The following PIGR variants were observed in gnomAD, a reference collection of about 807,000 sequenced individuals.
PIGR encodes hepatocellular carcinoma associated protein TB6.
PIGR carries 22 observed loss-of-function variants against 69.5 expected under a neutral mutation model. The observed-to-expected ratio is 0.32, with a 90% CI of 0.23 to 0.45. PIGR has a LOEUF of 0.45. Ranked by LOEUF, PIGR falls within the 20% of genes least tolerant of loss-of-function variation. PIGR has a pLI of 1.00. For missense variants in PIGR, 885 were observed against 974.0 expected, an observed-to-expected ratio of 0.91 and a Z score of 1.22; for synonymous variants, 413 against 407.6, an observed-to-expected ratio of 1.01 and a Z score of -0.16.
chr1:206,941,660 C>T (rs115128918), intron 1 of PIGR, among the ~76,000 whole-genome samples: 5 of 152,180 alleles, frequency 3.3e-5, no homozygotes, highest in Admixed American at 6.5e-5. Flanking sequence ...GATGAAGAAT[C>T]GAAGATGAGA....
rs1679794086 is a variant in PIGR, at chr1:206,933,143, T to C, written c.1729A>G (p.Lys577Glu). 6.2e-7 allele frequency: 1 copy of C among 1,614,066 alleles called. No homozygotes were observed. The highest frequency in any genetic ancestry group is 8.5e-7 in the Non-Finnish European group (1 of 1,180,026). ...AAGSRDVSLAKADAAPDEKVL... is the reference protein window; with the variant it reads ...AAGSRDVSLAEADAAPDEKVL... ...TTCTCATCAGGAGCAGCGTCTGCCTTCGCTAGGCTGACATCGCGGGACCCT... is the reference window on the plus strand; with the variant it reads ...TTCTCATCAGGAGCAGCGTCTGCCTCCGCTAGGCTGACATCGCGGGACCCT... Residue 577 changes from lysine to glutamate, a missense_variant, in exon 7 of 11, where the codon AAG becomes GAG. Physicochemically the swap from Lys to Glu is moderately conservative, Grantham distance 56 (BLOSUM62 1). Transcript: ENST00000356495.
rs969290781 is a variant in PIGR at position 206,939,314 on chromosome 1, T to C, written c.193A>G (p.Ile65Val). 16 of 1,614,256 alleles carry C rather than the reference T, an allele frequency of 9.9e-6. 1 individual carries two copies. The highest frequency in any genetic ancestry group is 1.2e-5 in the Non-Finnish European group (14 of 1,180,040). Residue 65 changes from isoleucine to valine, a missense_variant, in exon 3 of 11, where the codon ATA becomes GTA. Coordinates refer to ENST00000356495, the MANE Select transcript of PIGR (RefSeq NM_002644.4). Reference protein sequence around the residue: ...WCRQGARGGCITLISSEGYVS... With the variant: ...WCRQGARGGCVTLISSEGYVS... The stretch of plus-strand genomic sequence containing the variant: ...TAGCCCTCCGAGGAGATGAGGGTTA[T>C]GCAGCCACCTCTAGCTCCCTGCCGG...
In PIGR at chr1:206,934,718, A is replaced by G; in HGVS notation, c.1407T>C (p.Asn469=). 9 of 1,609,262 alleles carry G rather than the reference A, an allele frequency of 5.6e-6. No homozygotes were observed. The highest frequency in any genetic ancestry group is 7.6e-6 in the Non-Finnish European group (9 of 1,179,940). ...GAGTCTCTCCCAGCACAGCCGTGAC[A>G]TTCCCTGGTACCTTGAGGTTTGGTT... ...EGEPNLKVPG[N]VTAVLGETLK... The change falls in exon 6 of 11, where the codon AAT becomes AAC. Residue 469 remains asparagine (N), a synonymous_variant. Transcript: ENST00000356495.
chr1:206,935,758 A>G lies in PIGR; in HGVS notation c.1106T>C (p.Val369Ala). Residue 369 changes from valine to alanine, a missense_variant, in exon 5 of 11, where the codon GTG (valine) becomes GCG (alanine). Physicochemically the swap from Val to Ala is moderately conservative, Grantham distance 64. Coordinates refer to ENST00000356495, the MANE Select transcript of PIGR (RefSeq NM_002644.4). This position sits in a 1 kb window ranked among gnomAD's most constrained non-coding sequence, Gnocchi z 4.4. ...VKGVAGGSVA[V>A]LCPYNRKESK... ...TTCCTTACGGTTGTAGGGGCAGAGC[A>G]CGGCCACAGAGCCTCCTGCCACCCC... The G allele has an allele frequency of 6.2e-7, 1 of 1,613,644 alleles. No individual in the cohort carries two copies. The highest frequency in any genetic ancestry group is 8.5e-7 in the Non-Finnish European group (1 of 1,179,686).
intron 5 of PIGR, among the ~76,000 whole-genome samples, chr1:206,934,986 G>C (rs868672593): frequency 2.0e-5 from 3 of 152,088 alleles, no homozygotes; most frequent in Admixed American, 6.5e-5. Context: ...GGCCTCCCAA[G>C]GTGCTGAGAT....
At chr1:206,932,906 C>T (rs1679784990) in intron 7 of PIGR, 80 bp downstream of exon 7, 1 of 1,422,106 alleles carries the variant, frequency 7.0e-7, no homozygotes, top group Non-Finnish European at 9.7e-7. Flanking sequence ...ATGGGCTTTC[C>T]TCCTTGGACC....
In PIGR at chr1:206,930,422, C is replaced by T; in HGVS notation, c.2200-9G>A. ...GCTTCCTCCTTGGATGACTAAGGGG[C>T]AAGAGGAGAGGCATCAGTGTTGGGG... On this transcript the variant is annotated splice_polypyrimidine_tract_variant and intron_variant, in intron 10 of 10. Transcript: ENST00000356495. The surrounding 1 kb of genome is among the most constrained non-coding windows in gnomAD (Gnocchi z 4.3). The T allele has an allele frequency of 3.7e-6, 6 of 1,611,850 alleles. No homozygotes were observed. Among genetic ancestry groups the T allele is most frequent in the Non-Finnish European group, 5.1e-6 (6 of 1,178,948 alleles).
Position 206,932,498 on chromosome 1 carries a change from C to G in PIGR, c.1966G>C (p.Val656Leu), listed in dbSNP as rs148554144. ...PLGLVLAVGAVAVGVARARHR... is the reference protein window; with the variant it reads ...PLGLVLAVGALAVGVARARHR... The stretch of plus-strand genomic sequence containing the variant: ...CGGGCTCTGGCCACCCCCACAGCCA[C>G]GGCTCCCACTGCCAGCACCAGGCCC... The change falls in exon 8 of 11, where the codon GTG (valine) becomes CTG (leucine). Residue 656 changes from valine to leucine, a missense_variant. Val to Leu is a conservative substitution (Grantham distance 32). Transcript: ENST00000356495. 8.1e-4 allele frequency: 1,307 copies of G among 1,613,270 alleles called. 6 individuals are homozygous for G. In the Middle Eastern group the frequency reaches 0.019, roughly 23 times the overall value.
At position 206,935,646 on chromosome 1, in the gene PIGR, C is replaced by T. The variant is rs776728481; in HGVS notation, c.1218G>A (p.Lys406=). 2.5e-5 allele frequency: 41 copies of T among 1,613,890 alleles called. No homozygotes were observed. The highest frequency in any genetic ancestry group is 3.3e-5 in the Non-Finnish European group (39 of 1,179,994). ...PLLVDSEGWV[K]AQYEGRLSLL... ...GGGAGAGGCGGCCCTCGTACTGGGC[C>T]TTAACCCACCCCTCGCTGTCCACCA... Residue 406 remains lysine, a synonymous_variant, in exon 5 of 11, where the codon AAG becomes AAA. Coordinates refer to ENST00000356495, the MANE Select transcript of PIGR (RefSeq NM_002644.4). This position sits in a 1 kb window ranked among gnomAD's most constrained non-coding sequence, Gnocchi z 4.4.
In PIGR at chr1:206,935,482, C is replaced by T; in HGVS notation, c.1378+4G>A. 6.2e-7 allele frequency: 1 copy of T among 1,603,804 alleles called. No homozygotes were observed. Among genetic ancestry groups the T allele is most frequent in the Non-Finnish European group, 8.5e-7 (1 of 1,171,942 alleles). On this transcript the variant is annotated splice_donor_region_variant and intron_variant, in intron 5 of 10. Transcript: ENST00000356495. The surrounding 1 kb of genome is among the most constrained non-coding windows in gnomAD (Gnocchi z 4.4). ...GAGCTTTCTCCCTCCCTGTCAACTCCTACCTTCGATAATCTTGATCTCCAC... is the reference window on the plus strand; with the variant it reads ...GAGCTTTCTCCCTCCCTGTCAACTCTTACCTTCGATAATCTTGATCTCCAC...
intron 1 of PIGR, among the ~76,000 whole-genome samples, chr1:206,942,139 TA>T: frequency 6.6e-6 from 1 of 152,314 alleles, no homozygotes; most frequent in East Asian, 1.9e-4. Flanking sequence ...TTTGGAAGAA[TA>T]AAGGGAGGGA....
chr1:206,934,885 G>T, intron 5 of PIGR, 139 bp from the exon 6 acceptor site: 2 of 532,636 alleles, frequency 3.8e-6, no homozygotes, highest in South Asian at 6.8e-5. Context: ...TTGAGACAAG[G>T]TCTCTCTCTG....
rs1170272671 is a variant in PIGR at position 206,929,816 on chromosome 1, T to G, written c.*502A>C. 1 of 152,546 alleles carries G rather than the reference T, an allele frequency of 6.6e-6. No individual in the cohort carries two copies. 9.4% of individuals were successfully genotyped at this position (152,546 alleles called of 1,614,324 possible). The stretch of plus-strand genomic sequence containing the variant: ...GTGTCCTCAGAAAGGCTGTGAGCAG[T>G]GTTGGTGGCATACCTGTCACAGCAT... On this transcript the variant is annotated 3_prime_UTR_variant, in exon 11 of 11. Coordinates refer to ENST00000356495, the MANE Select transcript of PIGR (RefSeq NM_002644.4).
In PIGR at chr1:206,937,304, C is replaced by T. The variant is rs1679883557; in HGVS notation, c.836G>A (p.Cys279Tyr). ...FLCRQSSGEN[C>Y]DVVVNTLGKR... ...CCCCAGGGTGTTGACGACCACGTCA[C>T]AGTTTTCCCCACTGCTCTGTCGGCA... Residue 279 changes from cysteine to tyrosine, a missense_variant, in exon 4 of 11, where the codon TGT (cysteine) becomes TAT (tyrosine). By Grantham distance (194) the Cys-to-Tyr change is radical (BLOSUM62 -2). Transcript: ENST00000356495. The T allele has an allele frequency of 6.2e-7, 1 of 1,613,180 alleles. No individual in the cohort carries two copies. The highest frequency in any genetic ancestry group is 8.5e-7 in the Non-Finnish European group (1 of 1,179,522).
At chr1:206,938,972 A>T (rs1295417083) in intron 3 of PIGR, 147 bp downstream of exon 3, 1 of 652,938 alleles carries the variant, frequency 1.5e-6, no homozygotes, top group Non-Finnish European at 2.6e-6. Flanking sequence ...CTCCTGTTAA[A>T]GAAGTCTTTG....
At position 206,937,388 on chromosome 1, in the gene PIGR, C is replaced by T. The variant is rs767280059; in HGVS notation, c.752G>A (p.Gly251Asp). 2.5e-6 allele frequency: 4 copies of T among 1,613,982 alleles called. No individual in the cohort carries two copies. Among genetic ancestry groups the T allele is most frequent in the Middle Eastern group, 1.6e-4 (1 of 6,062 alleles). Residue 251 changes from glycine (G) to aspartate (D), a missense_variant, in exon 4 of 11, where the codon GGC (glycine) becomes GAC (aspartate). Gly to Asp is a moderately conservative substitution (Grantham distance 94). Transcript: ENST00000356495. ...CAGGGCACAGTGGAAGGTCACTGAG[C>T]CCCTCAGGTCTTCATAAACCAGCTC... The part of the protein sequence containing the change: ...EPELVYEDLR[G>D]SVTFHCALGP...
Position 206,929,917 on chromosome 1 carries a change from G to A in PIGR, c.*401C>T, listed in dbSNP as rs1034400632. 59 of 174,620 alleles carry A rather than the reference G, an allele frequency of 3.4e-4. No individual in the cohort carries two copies. Among genetic ancestry groups the A allele is most frequent in the African/African-American group, 1.3e-3 (54 of 42,470 alleles). 10.8% of individuals were successfully genotyped at this position (174,620 alleles called of 1,614,324 possible). On this transcript the variant is annotated 3_prime_UTR_variant, in exon 11 of 11. Coordinates refer to ENST00000356495, the MANE Select transcript of PIGR (RefSeq NM_002644.4). ...AAGGAAAGAAGAAGAGGGGAAGGAC[G>A]GGAGGGAGGGATGGAGTGGAGGGAA... is the stretch of plus-strand genomic sequence containing the variant.
rs1416001066 is a variant in PIGR at position 206,933,114 on chromosome 1, C to A, written c.1758G>T (p.Val586=). ...AKADAAPDEK[V]LDSGFREIEN... ...CAATCTCCCGAAAACCAGAGTCTAG[C>A]ACCTTCTCATCAGGAGCAGCGTCTG... is the stretch of plus-strand genomic sequence containing the variant. Residue 586 remains valine, a synonymous_variant, in exon 7 of 11, where the codon GTG becomes GTT. Coordinates refer to ENST00000356495, the MANE Select transcript of PIGR (RefSeq NM_002644.4). 12 of 1,614,094 alleles carry A rather than the reference C, an allele frequency of 7.4e-6. No homozygotes were observed. The highest frequency in any genetic ancestry group is 1.0e-5 in the Non-Finnish European group (12 of 1,180,048).
At chr1:206,933,477 C>T (rs1679802741) in intron 6 of PIGR, among the ~76,000 whole-genome samples, 1 of 152,144 alleles carries the variant, frequency 6.6e-6, no homozygotes, top group Non-Finnish European at 1.5e-5. Context: ...GAGACGCTGC[C>T]CCAGGCTTCC....
Sources: gnomAD v4.1 joint callset for allele counts (sites outside exome capture counted in the v4.1 genomes callset) on GRCh38, gnomAD v4.1.1 for gene constraint, Gnocchi (gnomAD v3.1) non-coding constraint, MANE v1.5 for transcripts, NCBI Gene and HGNC (gene_info 2026-07-23, HGNC 2026-07-21) for gene names.